The following ESYT2 variants were observed in gnomAD, a reference collection of about 807,000 sequenced individuals.
ESYT2 encodes the protein extended synaptotagmin-2.
Under a neutral mutation model 107.2 loss-of-function variants are expected in ESYT2, and 54 were observed. That is an observed-to-expected ratio of 0.50 (90% confidence interval 0.40 to 0.63). ESYT2 has a LOEUF of 0.63. Among genes scored for constraint, ESYT2 ranks in the 30% least tolerant of loss-of-function variants. The pLI is 0.00. For missense variants in ESYT2, 1,020 were observed against 1,094.5 expected, an observed-to-expected ratio of 0.93 and a Z score of 0.96; for synonymous variants, 491 against 434.1, an observed-to-expected ratio of 1.13 and a Z score of -1.63.
chr7:158,819,839 T>TA (rs992523287), intron 1 of ESYT2, among the ~76,000 whole-genome samples: 34 of 151,876 alleles, frequency 2.2e-4, no homozygotes, highest in Admixed American at 3.3e-4. Context: ...CTGAACAAAT[T>TA]AAAAAAAAGA....
chr7:158,758,559 G>A lies in ESYT2; in HGVS notation c.1419+927C>T, dbSNP rs774842052. ...GATTTATGTACAAATGCACTTGGGT[G>A]GATGAGTATTTACTGTGGAGGAGGA... is the stretch of plus-strand genomic sequence containing the variant. On this transcript the variant is annotated intron_variant, in intron 13 of 22. Transcript: ENST00000275418. Among the ~76,000 whole-genome samples the A allele has an allele frequency of 3.4e-4, 52 of 152,356 alleles. No homozygotes were observed. In the South Asian group the frequency reaches 3.7e-3, roughly 11 times the overall value.
In ESYT2 at chr7:158,795,616, C is replaced by T. The variant is rs533751599; in HGVS notation, c.508-1890G>A. On this transcript the variant is annotated intron_variant, in intron 3 of 22. Coordinates refer to ENST00000275418, the MANE Select transcript of ESYT2 (RefSeq NM_001367773.1). ...CAGACAGAGCATGCAGCCCCTGCGG[C>T]CATGTACAGACAGAGCATGCAGCCC... is the stretch of plus-strand genomic sequence containing the variant. Among the ~76,000 whole-genome samples, 5 of 127,764 alleles carry T rather than the reference C, an allele frequency of 3.9e-5. No individual in the cohort carries two copies. The South Asian group carries it at 1.1e-3, about 29-fold the overall frequency. The allele number at this position is 127,764 out of a possible 152,430, so 83.8% of individuals were successfully genotyped here.
At chr7:158,801,083 G>A (rs1261113678) in intron 1 of ESYT2, among the ~76,000 whole-genome samples, 2 of 152,182 alleles carry the variant, frequency 1.3e-5, no homozygotes, top group Non-Finnish European at 2.9e-5. Flanking sequence ...CAGTGAGGCA[G>A]TGATGGGCAG....
intron 1 of ESYT2, among the ~76,000 whole-genome samples, chr7:158,800,554 C>G (rs1839606356): frequency 6.6e-6 from 1 of 152,068 alleles, no homozygotes; most frequent in African/African-American, 2.4e-5. Context: ...TGCCAACTGG[C>G]TAATTTTTAA....
intron 7 of ESYT2, among the ~76,000 whole-genome samples, chr7:158,770,521 A>T (rs2383401): frequency 0.29 from 43,899 of 149,960 alleles, 7,964 homozygotes; most frequent in East Asian, 0.59. Context: ...ATATATATAT[A>T]TTTTTTTTCC....
intron 2 of ESYT2, 45 bp from the exon 3 acceptor site, chr7:158,798,121 G>C (rs753073982): frequency 1.9e-6 from 3 of 1,608,354 alleles, no homozygotes; most frequent in Admixed American, 1.7e-5. Context: ...GCTATATAAT[G>C]CATGACACAC....
chr7:158,767,527 A>G (rs1051770887), intron 8 of ESYT2, 127 bp downstream of exon 8: 3 of 1,283,428 alleles, frequency 2.3e-6, no homozygotes, highest in African/African-American at 3.0e-5. Context: ...TAGTCAATGC[A>G]TCAAGACCCG....
At chr7:158,767,510 C>T in intron 8 of ESYT2, 144 bp downstream of exon 8, 1 of 1,063,814 alleles carries the variant, frequency 9.4e-7, no homozygotes, top group Non-Finnish European at 1.3e-6. Flanking sequence ...AAGTGACGGA[C>T]AACCAATAGT....
Position 158,829,476 on chromosome 7 carries a change from C to A in ESYT2, c.-58G>T. The A allele has an allele frequency of 8.2e-7, 1 of 1,213,350 alleles. No homozygotes were observed. The highest frequency in any genetic ancestry group is 1.0e-6 in the Non-Finnish European group (1 of 976,830). 75.2% of individuals were successfully genotyped at this position (1,213,350 alleles called of 1,614,324 possible). ...AGGCGGGCTGGGTGCTCGCGCTGAT[C>A]CCGGGCGGCTCAGCCCCGCGCCAGC... is the stretch of plus-strand genomic sequence containing the variant. On this transcript the variant is annotated 5_prime_UTR_variant, in exon 1 of 23. Transcript: ENST00000275418.
chr7:158,764,910 G>A lies in ESYT2; in HGVS notation c.925-57C>T, dbSNP rs1056318423. 3.9e-6 allele frequency: 6 copies of A among 1,554,258 alleles called. No individual in the cohort carries two copies. The Admixed American group carries it at 8.8e-5, about 23-fold the overall frequency. ...CTTGGCTGGCTTGTTTAACTGGCAT[G>A]GAAGATAGCTACGCACCTAACCCCG... On this transcript the variant is annotated intron_variant, in intron 8 of 22. Transcript: ENST00000275418.
At chr7:158,743,715 G>A (rs1563620158) in intron 16 of ESYT2, 37 bp from the exon 17 acceptor site, 2 of 1,589,282 alleles carry the variant, frequency 1.3e-6, no homozygotes, top group Non-Finnish European at 1.7e-6. Context: ...GCATAACTAG[G>A]ATCATGTCTG....
chr7:158,797,572 T>C (rs1262987381), intron 3 of ESYT2, among the ~76,000 whole-genome samples: 2 of 151,994 alleles, frequency 1.3e-5, no homozygotes, highest in African/African-American at 4.8e-5. Flanking sequence ...AATGTGTTTT[T>C]CGGCCAGGCG....
chr7:158,748,309 T>A (rs1212890256), intron 15 of ESYT2, 29 bp from the exon 16 acceptor site: 3 of 1,550,750 alleles, frequency 1.9e-6, no homozygotes, highest in Non-Finnish European at 2.7e-6. Context: ...TTATTAGCTC[T>A]GATATTTTCT....
chr7:158,807,689 G>C (rs1018454916), intron 1 of ESYT2, among the ~76,000 whole-genome samples: 4 of 152,120 alleles, frequency 2.6e-5, no homozygotes, highest in African/African-American at 7.2e-5. Context: ...GAAATATCTG[G>C]GGCACTTACG....
chr7:158,753,481 A>G (rs965475086), intron 13 of ESYT2, among the ~76,000 whole-genome samples: 1 of 152,190 alleles, frequency 6.6e-6, no homozygotes, highest in South Asian at 2.1e-4. Flanking sequence ...CTTGCCCTCA[A>G]AAAGGCAAGA....
intron 18 of ESYT2, among the ~76,000 whole-genome samples, chr7:158,740,832 G>T (rs898497066): frequency 6.6e-6 from 1 of 152,130 alleles, no homozygotes; most frequent in Non-Finnish European, 1.5e-5. Context: ...TTTTCTAACA[G>T]CTCAGAAGCA....
rs746694600 is a variant in ESYT2 at position 158,793,702 on chromosome 7, C to T, written c.532G>A (p.Val178Ile). 1.2e-6 allele frequency: 2 copies of T among 1,613,362 alleles called. No homozygotes were observed. Among genetic ancestry groups the T allele is most frequent in the South Asian group, 1.1e-5 (1 of 91,024 alleles). The part of the protein sequence containing the change: ...QQPLRINGVK[V>I]YTENVDKRQI... The stretch of plus-strand genomic sequence containing the variant: ...CTTTTGTCTACATTTTCAGTGTATA[C>T]CTTAACACCATTGATCCTGAGGGGC... Residue 178 changes from valine to isoleucine, a missense_variant, in exon 4 of 23, where the codon GTA becomes ATA. Physicochemically the swap from Val to Ile is conservative, Grantham distance 29. Transcript: ENST00000275418.
intron 13 of ESYT2, among the ~76,000 whole-genome samples, chr7:158,755,139 G>T (rs1470122713): frequency 6.6e-6 from 1 of 152,162 alleles, no homozygotes; most frequent in Non-Finnish European, 1.5e-5. Context: ...GATGGGGATC[G>T]CTGGTGGCAA....
intron 6 of ESYT2, among the ~76,000 whole-genome samples, chr7:158,775,035 C>A (rs910257492): frequency 2.6e-5 from 4 of 152,102 alleles, no homozygotes; most frequent in African/African-American, 9.7e-5. Flanking sequence ...TACAGGCATG[C>A]CTCGGAGATA....
Sources: gnomAD v4.1 joint callset for allele counts (sites outside exome capture counted in the v4.1 genomes callset) on GRCh38, gnomAD v4.1.1 for gene constraint, MANE v1.5 for transcripts, NCBI Gene and HGNC (gene_info 2026-07-23, HGNC 2026-07-21) for gene names.